Variants in ZC3H12B observed in about 807,000 individuals in gnomAD.
ZC3H12B encodes the protein zinc finger CCCH-type containing 12B.
Under a neutral mutation model 43.9 loss-of-function variants are expected in ZC3H12B, and 7 were observed. That is an observed-to-expected ratio of 0.16 (90% CI 0.09 to 0.30). The LOEUF (loss-of-function observed/expected upper bound fraction) is 0.30. ZC3H12B is among the 10% of genes least tolerant of loss of function. The probability of loss-of-function intolerance (pLI) is 1.00; values close to 1 mark genes in which losing one functional copy is unlikely to be tolerated. For synonymous variants in ZC3H12B, 222 were observed against 241.7 expected (o/e 0.92, Z 0.76); for missense variants, 475 against 670.2 (o/e 0.71, Z 3.22).
upstream of ZC3H12B, among the ~76,000 whole-genome samples, chrX:65,486,389 C>T (rs776995505): frequency 3.8e-4 from 43 of 112,036 alleles, no homozygotes; most frequent in African/African-American, 1.4e-3. Flanking sequence ...TCTTTCTAAC[C>T]CTGGGGCTTA....
At chrX:65,194,067 G>T in the ZC3H12B span, among the ~76,000 whole-genome samples, 1 of 109,378 alleles carries the variant, frequency 9.1e-6, no homozygotes, top group East Asian at 2.9e-4. Context: ...GCAGTGGCAC[G>T]GGGGTAATGC....
At chrX:65,384,720 C>T (rs1269845765) in intron 2 of ZC3H12B, among the ~76,000 whole-genome samples, 1 of 111,247 alleles carries the variant, frequency 9.0e-6, no homozygotes, top group Non-Finnish European at 1.9e-5. Context: ...CATAGAGTGG[C>T]TGAATTGATT....
intron 3 of ZC3H12B, among the ~76,000 whole-genome samples, chrX:65,415,538 C>T (rs913860031): frequency 8.9e-6 from 1 of 112,140 alleles, no homozygotes; most frequent in African/African-American, 3.2e-5. Flanking sequence ...TTTCATCAGT[C>T]TTAAAATATC....
intron 3 of ZC3H12B, among the ~76,000 whole-genome samples, chrX:65,482,895 G>C (rs1048205332): frequency 8.9e-6 from 1 of 111,797 alleles, no homozygotes; most frequent in East Asian, 2.8e-4. Context: ...AAAAATGAAT[G>C]AGTAATGAAA....
At chrX:65,406,583 T>TGGGCGGGGCG (rs1197383821) in intron 3 of ZC3H12B, among the ~76,000 whole-genome samples, 1 of 11,431 alleles carries the variant, frequency 8.7e-5, no homozygotes, top group African/African-American at 7.5e-4. Flanking sequence ...TGGGCGGGGC[T>TGGGCGGGGCG]GGGCGGGGCT....
chrX:65,203,048 G>T, the ZC3H12B span, among the ~76,000 whole-genome samples: 2 of 111,997 alleles, frequency 1.8e-5, 1 homozygote, highest in Non-Finnish European at 3.8e-5. Context: ...AGTTCTGTCT[G>T]GCTACTGCCA....
chrX:65,333,438 G>T, the ZC3H12B span, among the ~76,000 whole-genome samples: 4 of 111,905 alleles, frequency 3.6e-5, no homozygotes, highest in Non-Finnish European at 7.5e-5. Context: ...TCCAAATTTT[G>T]TTCACAGCAG....
the ZC3H12B span, among the ~76,000 whole-genome samples, chrX:65,203,762 CT>C: frequency 8.9e-6 from 1 of 111,771 alleles, no homozygotes; most frequent in Non-Finnish European, 1.9e-5. Context: ...GTCACATGCC[CT>C]GCAAGTGCGC....
chrX:65,139,261 C>T, the ZC3H12B span, among the ~76,000 whole-genome samples: 1 of 112,174 alleles, frequency 8.9e-6, no homozygotes, highest in Non-Finnish European at 1.9e-5. Context: ...GAGTTGATTT[C>T]TTCATATTGT....
chrX:65,304,727 C>A, the ZC3H12B span, among the ~76,000 whole-genome samples: 2 of 111,256 alleles, frequency 1.8e-5, no homozygotes, highest in African/African-American at 6.5e-5. Context: ...AAAAAGTACA[C>A]TTTTAGAAGA....
chrX:65,334,098 A>C, the ZC3H12B span, among the ~76,000 whole-genome samples: 1 of 111,967 alleles, frequency 8.9e-6, no homozygotes, highest in Non-Finnish European at 1.9e-5. Flanking sequence ...TCTTAATAAA[A>C]CCTTATAGAC....
At chrX:65,135,094 A>G in the ZC3H12B span, among the ~76,000 whole-genome samples, 1 of 111,473 alleles carries the variant, frequency 9.0e-6, no homozygotes, top group Non-Finnish European at 1.9e-5. Flanking sequence ...GAGGCCTGAC[A>G]ATATATATAA....
intron 2 of ZC3H12B, among the ~76,000 whole-genome samples, chrX:65,375,722 C>A (rs777241015): frequency 9.0e-6 from 1 of 111,090 alleles, no homozygotes; most frequent in Non-Finnish European, 1.9e-5. Context: ...TTGAAGGAAA[C>A]GACCCAATCC....
chrX:65,275,680 A>T, the ZC3H12B span, among the ~76,000 whole-genome samples: 1 of 112,354 alleles, frequency 8.9e-6, no homozygotes, highest in African/African-American at 3.2e-5. Context: ...CAACACCTCA[A>T]GACCCATTTA....
chrX:65,472,268 C>T (rs191593872), intron 3 of ZC3H12B, among the ~76,000 whole-genome samples: 20 of 111,696 alleles, frequency 1.8e-4, no homozygotes, highest in Non-Finnish European at 3.2e-4. Context: ...CAAGTGTTCT[C>T]AATATATTTT....
At chrX:65,229,555 A>G in the ZC3H12B span, among the ~76,000 whole-genome samples, 2 of 111,132 alleles carry the variant, frequency 1.8e-5, no homozygotes, top group African/African-American at 6.5e-5. Flanking sequence ...AAACTAAAGA[A>G]CTTCTGCACA....
chrX:65,277,170 A>T, the ZC3H12B span, among the ~76,000 whole-genome samples: 1 of 112,140 alleles, frequency 8.9e-6, no homozygotes. Context: ...AGAAAATAAC[A>T]GTTGTAAATA....
the ZC3H12B span, among the ~76,000 whole-genome samples, chrX:65,066,236 A>C: frequency 9.0e-6 from 1 of 110,924 alleles, no homozygotes; most frequent in Admixed American, 9.6e-5. Flanking sequence ...GGTTTTTGGA[A>C]TTTTTAGCAT....
At chrX:65,506,145 C>G (rs1196287797) in exon 5 of ZC3H12B, 2 of 112,236 alleles carry the variant, frequency 1.8e-5, no homozygotes, top group Non-Finnish European at 3.8e-5. Context: ...TAGACAAAAA[C>G]AATTTTTCAA....
Sources: allele counts gnomAD v4.1 joint callset (sites outside exome capture counted in the v4.1 genomes callset), GRCh38; gene constraint gnomAD v4.1.1; transcripts MANE v1.5; gene names NCBI Gene and HGNC (gene_info 2026-07-23, HGNC 2026-07-21).